ATE1: variants seen among roughly 807,000 people sequenced by gnomAD.
ATE1 encodes arginyl-tRNA--protein transferase 1.
ATE1 carries 36 observed loss-of-function variants against 70.5 expected under a neutral mutation model. The observed-to-expected ratio is 0.51, with a 90% confidence interval of 0.39 to 0.67. The LOEUF is 0.67. Among genes scored for constraint, ATE1 ranks in the 30% least tolerant of loss-of-function variants. ATE1 has a pLI of 0.00. For synonymous variants in ATE1, 232 were observed against 219.3 expected (o/e 1.06, Z -0.51); for missense variants, 593 against 629.5 (o/e 0.94, Z 0.62).
intron 8 of ATE1, among the ~76,000 whole-genome samples, chr10:121,860,575 T>A (rs1949432600): frequency 6.6e-6 from 1 of 152,188 alleles, no homozygotes; most frequent in South Asian, 2.1e-4. Flanking sequence ...TTAAAGAAAC[T>A]TTACCAAGCT....
chr10:121,868,052 T>C (rs951324902), intron 8 of ATE1, among the ~76,000 whole-genome samples: 1 of 152,158 alleles, frequency 6.6e-6, no homozygotes, highest in Non-Finnish European at 1.5e-5. Context: ...CCAAACTGCT[T>C]CCTAGAAAGG....
chr10:121,761,685 G>A (rs540696946), intron 11 of ATE1, among the ~76,000 whole-genome samples: 1 of 151,990 alleles, frequency 6.6e-6, no homozygotes, highest in Non-Finnish European at 1.5e-5. Context: ...TCCCCTTTCC[G>A]ACCTCCCTAG....
chr10:121,791,088 GTA>G (rs1168511846), intron 10 of ATE1, among the ~76,000 whole-genome samples: 5 of 139,718 alleles, frequency 3.6e-5, no homozygotes, highest in East Asian at 4.4e-4. Flanking sequence ...GTGTGTGTGT[GTA>G]TATATATTTT....
intron 1 of ATE1, among the ~76,000 whole-genome samples, chr10:121,925,276 C>T (rs1478744712): frequency 3.3e-5 from 5 of 151,780 alleles, no homozygotes; most frequent in African/African-American, 7.2e-5. Context: ...CAAAATTAGC[C>T]GGGAATGGTG....
chr10:121,774,283 T>C (rs1945643934), intron 11 of ATE1, among the ~76,000 whole-genome samples: 1 of 152,216 alleles, frequency 6.6e-6, no homozygotes, highest in Non-Finnish European at 1.5e-5. Flanking sequence ...TATGCAAATT[T>C]GGTAAGCGAG....
chr10:121,823,188 G>C (rs1020586882), intron 10 of ATE1, among the ~76,000 whole-genome samples: 4 of 152,136 alleles, frequency 2.6e-5, no homozygotes, highest in African/African-American at 9.7e-5. Flanking sequence ...TACTCAGTAG[G>C]CTGAGGCAGG....
chr10:121,919,486 G>A (rs1423629906), intron 3 of ATE1, among the ~76,000 whole-genome samples: 2 of 151,976 alleles, frequency 1.3e-5, no homozygotes, highest in African/African-American at 2.4e-5. Flanking sequence ...GCTTGAACAC[G>A]GGAGGCAGAG....
intron 10 of ATE1, among the ~76,000 whole-genome samples, chr10:121,823,482 A>AG (rs1203141095): frequency 3.9e-5 from 6 of 152,306 alleles, no homozygotes; most frequent in Middle Eastern, 3.4e-3. Context: ...TTCTACACGC[A>AG]GGGGCAAGTG....
At chr10:121,761,786 T>C (rs76606034) in intron 11 of ATE1, among the ~76,000 whole-genome samples, 1,573 of 152,318 alleles carry the variant, frequency 0.01, 11 homozygotes, top group African/African-American at 0.027. Flanking sequence ...GCCCAATCTG[T>C]ATATAATCTC....
chr10:121,858,146 A>G (rs895090900), intron 8 of ATE1, among the ~76,000 whole-genome samples: 1 of 152,174 alleles, frequency 6.6e-6, no homozygotes, highest in Non-Finnish European at 1.5e-5. Flanking sequence ...TGCTCTGAAC[A>G]CTGCTATATT....
chr10:121,797,698 T>C (rs1361346528), intron 10 of ATE1, among the ~76,000 whole-genome samples: 2 of 152,108 alleles, frequency 1.3e-5, no homozygotes. Context: ...TCCTCCATCA[T>C]GTCACCTTCG....
At chr10:121,764,228 A>T (rs913796779) in intron 11 of ATE1, among the ~76,000 whole-genome samples, 2 of 151,868 alleles carry the variant, frequency 1.3e-5, no homozygotes, top group African/African-American at 2.4e-5. Context: ...TCAACTAATT[A>T]AAAAAAATGT....
At chr10:121,928,221 A>G, upstream of ATE1, 3 of 1,335,616 alleles carry the variant, frequency 2.2e-6, no homozygotes, top group Non-Finnish European at 2.9e-6. Context: ...GCGGGAAGGG[A>G]AACAGGATGG....
At chr10:121,849,640 C>T (rs1948978971) in intron 8 of ATE1, among the ~76,000 whole-genome samples, 1 of 152,196 alleles carries the variant, frequency 6.6e-6, no homozygotes, top group Non-Finnish European at 1.5e-5. Flanking sequence ...AGGTCAGAGG[C>T]CATTTTCCTA....
At chr10:121,823,073 A>G (rs1233170623) in intron 10 of ATE1, among the ~76,000 whole-genome samples, 15 of 152,156 alleles carry the variant, frequency 9.9e-5, no homozygotes, top group African/African-American at 3.4e-4. Flanking sequence ...GGTGGATCAC[A>G]AGGTCAGGAG....
At chr10:121,812,121 A>G (rs1278440190) in intron 10 of ATE1, among the ~76,000 whole-genome samples, 1 of 151,676 alleles carries the variant, frequency 6.6e-6, no homozygotes, top group Non-Finnish European at 1.5e-5. Context: ...ACGCCTGACT[A>G]ATTTTTGTAT....
At position 121,840,166 on chromosome 10, in the gene ATE1, A is replaced by G. The variant is rs911802729; in HGVS notation, c.1157+916T>C. On this transcript the variant is annotated intron_variant, in intron 9 of 11. Coordinates refer to ENST00000224652, the MANE Select transcript of ATE1 (RefSeq NM_001001976.3). ...ATTAAAAATGTTTTGTGCTGCATAC[A>G]TATGTTTGCAGCCATGGACACAAAA... Among the ~76,000 whole-genome samples, 8 of 152,230 alleles carry G rather than the reference A, an allele frequency of 5.3e-5. No homozygotes were observed. The East Asian group carries it at 1.2e-3, about 22-fold the overall frequency.
intron 7 of ATE1, among the ~76,000 whole-genome samples, chr10:121,894,933 A>C (rs935470084): frequency 6.6e-6 from 1 of 152,116 alleles, no homozygotes; most frequent in Non-Finnish European, 1.5e-5. Flanking sequence ...AAAATGAGCA[A>C]AGGGTTAGAA....
At position 121,902,629 on chromosome 10, in the gene ATE1, A is replaced by G; in HGVS notation, c.584-9T>C. ...CAAATCAGCCCCTTTGCCTAAAAAG[A>G]ATTTTAAAATATTAGACCAATCACA... On this transcript the variant is annotated splice_polypyrimidine_tract_variant and intron_variant, in intron 5 of 11. Transcript: ENST00000224652. 1 of 1,581,072 alleles carries G rather than the reference A, an allele frequency of 6.3e-7. No individual in the cohort carries two copies. Among genetic ancestry groups the G allele is most frequent in the South Asian group, 1.1e-5 (1 of 87,182 alleles).
Sources: allele counts gnomAD v4.1 joint callset (sites outside exome capture counted in the v4.1 genomes callset), GRCh38; gene constraint gnomAD v4.1.1; transcripts MANE v1.5; gene names NCBI Gene and HGNC (gene_info 2026-07-23, HGNC 2026-07-21).